SERINC1: variants seen among roughly 807,000 people sequenced by gnomAD.
SERINC1 encodes tumor differentially expressed protein 2.
Under a neutral mutation model 52.9 loss-of-function variants are expected in SERINC1, and 38 were observed. The ratio of observed to expected loss-of-function variants is 0.72; its 90% CI spans 0.55 to 0.94. The LOEUF (loss-of-function observed/expected upper bound fraction) is 0.94, where lower values mean the gene tolerates loss of function less well. SERINC1 is among the 40% of genes least tolerant of loss of function. SERINC1 has a pLI of 0.00. For missense variants in SERINC1, 471 were observed against 533.9 expected (o/e 0.88, Z 1.16); for synonymous variants, 198 against 183.1 (o/e 1.08, Z -0.66).
chr6:122,458,660 C>T lies in SERINC1; in HGVS notation c.61G>A (p.Ala21Thr), dbSNP rs1201887456. ...CAGCATCGGCATAGCAAACACGGGG[C>T]ACTTCCACACAAACATGGTATCTGG... ...ASWIPCLCGSAPCLLCRCCPS... is the reference protein window; with the variant it reads ...ASWIPCLCGSTPCLLCRCCPS... Residue 21 changes from alanine (A) to threonine (T), a missense_variant, in exon 2 of 10, where the codon GCC becomes ACC. By Grantham distance (58) the Ala-to-Thr change is moderately conservative. Coordinates refer to ENST00000339697, the MANE Select transcript of SERINC1 (RefSeq NM_020755.4). The T allele has an allele frequency of 1.9e-6, 3 of 1,601,142 alleles. No individual in the cohort carries two copies. Among genetic ancestry groups the T allele is most frequent in the Middle Eastern group, 1.7e-4 (1 of 6,008 alleles).
chr6:122,470,939 A>C (rs1469262044), intron 1 of SERINC1, among the ~76,000 whole-genome samples: 1 of 151,814 alleles, frequency 6.6e-6, no homozygotes, highest in African/African-American at 2.4e-5. Flanking sequence ...CACTATACTG[A>C]AAATAGTTTT....
chr6:122,451,837 A>G (rs770426866), intron 6 of SERINC1, 51 bp downstream of exon 6: 1 of 1,272,354 alleles, frequency 7.9e-7, no homozygotes, highest in East Asian at 2.9e-5. Context: ...AGATTTTTGA[A>G]AACTTAAAAA....
chr6:122,458,817 G>A lies in SERINC1; in HGVS notation c.40-136C>T, dbSNP rs564323577. 5.3e-4 allele frequency: 315 copies of A among 593,002 alleles called. 1 individual carries two copies. Among genetic ancestry groups the A allele is most frequent in the Non-Finnish European group, 7.0e-4 (251 of 356,044 alleles). The allele number at this position is 593,002 out of a possible 1,614,324, so 36.7% of individuals were successfully genotyped here. A position where few individuals can be genotyped will look rare whatever the true frequency, so the allele number is the denominator to read the frequency against. ...AAAGTAATTACATCAAGGGACATAC[G>A]GTATTTGGTTCATATAAATTATCTA... On this transcript the variant is annotated intron_variant, in intron 1 of 9. Transcript: ENST00000339697.
rs1774707647 is a variant in SERINC1 at position 122,443,697 on chromosome 6, G to T, written c.*1347C>A. 1 of 152,136 alleles carries T rather than the reference G, an allele frequency of 6.6e-6. No individual in the cohort carries two copies. The highest frequency in any genetic ancestry group is 2.4e-5 in the African/African-American group (1 of 41,418). The allele number at this position is 152,136 out of a possible 1,614,324, so 9.4% of individuals were successfully genotyped here. A position where few individuals can be genotyped will look rare whatever the true frequency, so the allele number is the denominator to read the frequency against. ...TTCTAAAACATTCCATCATTCTTCT[G>T]ACCTGTTTATGGGTCATGCTGGACA... is the stretch of plus-strand genomic sequence containing the variant. On this transcript the variant is annotated 3_prime_UTR_variant, in exon 10 of 10. Coordinates refer to ENST00000339697, the MANE Select transcript of SERINC1 (RefSeq NM_020755.4).
At chr6:122,470,580 AT>A (rs1775270728) in intron 1 of SERINC1, among the ~76,000 whole-genome samples, 1 of 152,236 alleles carries the variant, frequency 6.6e-6, no homozygotes, top group South Asian at 2.1e-4. Flanking sequence ...GAGATAAAAT[AT>A]TCCAGGCTTC....
chr6:122,448,542 A>G (rs1026050390), intron 7 of SERINC1, among the ~76,000 whole-genome samples: 4 of 152,148 alleles, frequency 2.6e-5, no homozygotes, highest in African/African-American at 4.8e-5. Flanking sequence ...GGTATGCAAT[A>G]TAACTAGCCT....
intron 7 of SERINC1, among the ~76,000 whole-genome samples, chr6:122,448,631 G>A (rs1001458615): frequency 5.3e-5 from 8 of 152,156 alleles, no homozygotes; most frequent in African/African-American, 1.7e-4. Flanking sequence ...ATTTAATAAT[G>A]TGAAAAAATT....
chr6:122,468,537 C>CTTT (rs996487077), intron 1 of SERINC1, among the ~76,000 whole-genome samples: 2 of 149,414 alleles, frequency 1.3e-5, no homozygotes, highest in Non-Finnish European at 3.0e-5. Context: ...TTAAGAATTA[C>CTTT]TTTTTTTTTT....
chr6:122,455,598 C>G (rs1226505928), intron 3 of SERINC1, among the ~76,000 whole-genome samples: 1 of 152,016 alleles, frequency 6.6e-6, no homozygotes, highest in Non-Finnish European at 1.5e-5. Context: ...AATAAACTCC[C>G]CTTTATATAT....
At chr6:122,468,803 T>C (rs1038921213) in intron 1 of SERINC1, among the ~76,000 whole-genome samples, 11 of 152,034 alleles carry the variant, frequency 7.2e-5, no homozygotes, top group Admixed American at 2.0e-4. Context: ...ATTTAGGAGG[T>C]TGGCAAAAAA....
chr6:122,452,289 A>G (rs1774923819), intron 5 of SERINC1, among the ~76,000 whole-genome samples: 1 of 152,184 alleles, frequency 6.6e-6, no homozygotes, highest in African/African-American at 2.4e-5. Flanking sequence ...AAGGATGGCA[A>G]GTTAGTAAGA....
At chr6:122,451,609 TG>T in intron 7 of SERINC1, 54 bp downstream of exon 7, 1 of 687,154 alleles carries the variant, frequency 1.5e-6, no homozygotes, top group Non-Finnish European at 2.5e-6. Flanking sequence ...AGACAATTTC[TG>T]GAAAAACAAC....
At position 122,443,746 on chromosome 6, in the gene SERINC1, T is replaced by A. The variant is rs1313908829; in HGVS notation, c.*1298A>T. The A allele has an allele frequency of 2.0e-5, 3 of 152,208 alleles. No homozygotes were observed. Among genetic ancestry groups the A allele is most frequent in the Non-Finnish European group, 4.4e-5 (3 of 68,038 alleles). 9.4% of individuals were successfully genotyped at this position (152,208 alleles called of 1,614,324 possible). On this transcript the variant is annotated 3_prime_UTR_variant, in exon 10 of 10. Transcript: ENST00000339697. ...CACCAGCAATCCACATCACATAAAT[T>A]ATCCACCAGTAATGAGGTGTAAAAT... is the stretch of plus-strand genomic sequence containing the variant.
chr6:122,459,133 C>T (rs1775055688), intron 1 of SERINC1, among the ~76,000 whole-genome samples: 2 of 152,104 alleles, frequency 1.3e-5, no homozygotes, highest in South Asian at 4.1e-4. Flanking sequence ...GATATATTTT[C>T]CTTCTTTTGA....
intron 3 of SERINC1, 93 bp downstream of exon 3, chr6:122,456,388 G>A: frequency 1.3e-6 from 1 of 768,342 alleles, no homozygotes; most frequent in South Asian, 3.6e-5. Flanking sequence ...AATTGTATAA[G>A]TTTATTTTAC....
At chr6:122,470,063 A>AT (rs1281576679) in intron 1 of SERINC1, among the ~76,000 whole-genome samples, 1 of 152,198 alleles carries the variant, frequency 6.6e-6, no homozygotes, top group Non-Finnish European at 1.5e-5. Flanking sequence ...AATAAAATAA[A>AT]TTCCAAACTG....
At chr6:122,457,220 T>G (rs1775013687) in intron 2 of SERINC1, among the ~76,000 whole-genome samples, 1 of 152,168 alleles carries the variant, frequency 6.6e-6, no homozygotes, top group Admixed American at 6.5e-5. Flanking sequence ...ACATTTTCTT[T>G]GTTCTTTTCT....
At chr6:122,469,399 CAG>C (rs1302457132) in intron 1 of SERINC1, among the ~76,000 whole-genome samples, 1 of 146,692 alleles carries the variant, frequency 6.8e-6, no homozygotes, top group Non-Finnish European at 1.5e-5. Flanking sequence ...TTTTTTGACA[CAG>C]AGTCTCACTC....
Position 122,444,977 on chromosome 6 carries a change from A to C in SERINC1, c.*67T>G. ...GAAGCAAAAACATACACAACTTTAC[A>C]AAAGTTGGGAATACTGTTTTCAAAT... On this transcript the variant is annotated 3_prime_UTR_variant, in exon 10 of 10. Transcript: ENST00000339697. 1.3e-6 allele frequency: 2 copies of C among 1,500,436 alleles called. No individual in the cohort carries two copies. Among genetic ancestry groups the C allele is most frequent in the Non-Finnish European group, 9.1e-7 (1 of 1,098,588 alleles). 92.9% of individuals were successfully genotyped at this position (1,500,436 alleles called of 1,614,324 possible).
Sources: allele counts gnomAD v4.1 joint callset (sites outside exome capture counted in the v4.1 genomes callset), GRCh38; gene constraint gnomAD v4.1.1; transcripts MANE v1.5; gene names NCBI Gene and HGNC (gene_info 2026-07-23, HGNC 2026-07-21).